Variants in PLCG2 observed in about 807,000 individuals in gnomAD.
The protein encoded by PLCG2 is 1-phosphatidylinositol 4,5-bisphosphate phosphodiesterase gamma-2.
Under a neutral mutation model 175.6 loss-of-function variants are expected in PLCG2, and 69 were observed. The ratio of observed to expected loss-of-function variants is 0.39; its 90% CI spans 0.32 to 0.48. The LOEUF (loss-of-function observed/expected upper bound fraction) is 0.48. PLCG2 is among the 20% of genes least tolerant of loss of function. The pLI is 0.91. For synonymous variants in PLCG2, 827 were observed against 624.0 expected, an observed-to-expected ratio of 1.33 and a Z score of -4.85; for missense variants, 1,798 against 1,650.9, an observed-to-expected ratio of 1.09 and a Z score of -1.54.
chr16:81,745,939 C>G (rs1002370636), intron 1 of PLCG2, among the ~76,000 whole-genome samples: 1 of 152,156 alleles, frequency 6.6e-6, no homozygotes, highest in African/African-American at 2.4e-5. Context: ...TCTGTAGGGG[C>G]GAGACTAGCC....
At chr16:81,790,739 G>A (rs1006332940) in intron 2 of PLCG2, among the ~76,000 whole-genome samples, 2 of 152,172 alleles carry the variant, frequency 1.3e-5, no homozygotes, top group East Asian at 3.8e-4. Flanking sequence ...CTAAAGCAGC[G>A]TGTGGTTCTC....
chr16:81,919,219 T>C (rs12448055), intron 19 of PLCG2, among the ~76,000 whole-genome samples: 39,394 of 152,098 alleles, frequency 0.26, 5,897 homozygotes, highest in East Asian at 0.57. Context: ...AGTCCTGTAG[T>C]TGGGGAGGAG....
intron 2 of PLCG2, among the ~76,000 whole-genome samples, chr16:81,848,031 A>T (rs995537496): frequency 6.6e-6 from 1 of 152,234 alleles, no homozygotes; most frequent in Non-Finnish European, 1.5e-5. Flanking sequence ...AAGGTGGAAG[A>T]CATAGACTAG....
At chr16:81,887,932 G>A (rs1567517225) in intron 9 of PLCG2, among the ~76,000 whole-genome samples, 1 of 152,206 alleles carries the variant, frequency 6.6e-6, no homozygotes, top group Non-Finnish European at 1.5e-5. Context: ...AACTGGTCAT[G>A]TATATTTCAG....
At chr16:81,880,989 T>G (rs745671259) in intron 8 of PLCG2, 36 bp downstream of exon 8, 3 of 1,607,882 alleles carry the variant, frequency 1.9e-6, no homozygotes, top group Non-Finnish European at 2.6e-6. Context: ...GGGGCGGCTG[T>G]GCCGGACCTC....
intron 2 of PLCG2, among the ~76,000 whole-genome samples, chr16:81,802,400 C>T (rs1202089750): frequency 6.6e-6 from 1 of 151,972 alleles, no homozygotes; most frequent in Non-Finnish European, 1.5e-5. Flanking sequence ...GCGTGAGCCA[C>T]CGCGCCCGGC....
chr16:81,905,988 G>A (rs950663007), intron 15 of PLCG2, among the ~76,000 whole-genome samples: 5 of 152,116 alleles, frequency 3.3e-5, no homozygotes, highest in African/African-American at 9.7e-5. Flanking sequence ...CATTTTTAAT[G>A]TTTTATTTTG....
At chr16:81,882,781 C>T (rs1908152388) in intron 8 of PLCG2, among the ~76,000 whole-genome samples, 1 of 152,120 alleles carries the variant, frequency 6.6e-6, no homozygotes. Flanking sequence ...CTCACCCCAC[C>T]TCGTTCTGGC....
At chr16:81,748,038 C>G (rs1324592786) in intron 1 of PLCG2, among the ~76,000 whole-genome samples, 1 of 152,130 alleles carries the variant, frequency 6.6e-6, no homozygotes, top group African/African-American at 2.4e-5. Flanking sequence ...GCACACTCAG[C>G]TAATTTTTGT....
chr16:81,900,544 C>G, intron 13 of PLCG2, 68 bp from the exon 14 acceptor site: 1 of 1,431,002 alleles, frequency 7.0e-7, no homozygotes, highest in Non-Finnish European at 9.5e-7. Context: ...CTGCCCTGGC[C>G]CCTCTGTGGG....
At chr16:81,897,470 A>G (rs1307842647) in intron 13 of PLCG2, among the ~76,000 whole-genome samples, 1 of 151,960 alleles carries the variant, frequency 6.6e-6, no homozygotes, top group Non-Finnish European at 1.5e-5. Context: ...CAAGTGCTTA[A>G]CCCTGCACCT....
chr16:81,829,547 C>T (rs183290431), intron 2 of PLCG2, among the ~76,000 whole-genome samples: 1 of 152,324 alleles, frequency 6.6e-6, no homozygotes, highest in Non-Finnish European at 1.5e-5. Context: ...GCCATGATAC[C>T]TTTGCCAAAA....
intron 5 of PLCG2, among the ~76,000 whole-genome samples, chr16:81,864,648 C>T (rs1395966613): frequency 6.6e-6 from 1 of 152,198 alleles, no homozygotes; most frequent in Non-Finnish European, 1.5e-5. Context: ...CGTGGACCTG[C>T]CTGGCTCATG....
In PLCG2 at chr16:81,808,179, C is replaced by T. The variant is rs977660816; in HGVS notation, c.193+21997C>T. Among the ~76,000 whole-genome samples the T allele has an allele frequency of 7.2e-5, 11 of 152,182 alleles. 1 individual carries two copies. The highest frequency in any genetic ancestry group is 2.1e-4 in the South Asian group (1 of 4,828). On this transcript the variant is annotated intron_variant, in intron 2 of 32. Coordinates refer to ENST00000564138, the MANE Select transcript of PLCG2 (RefSeq NM_002661.5). The stretch of plus-strand genomic sequence containing the variant: ...CTAGGAGTGGAATTGCTGGGCCATG[C>T]AGTAACCATTCATTTAAGCATTTGT...
chr16:81,957,293 T>C (rs1262203838), intron 32 of PLCG2, among the ~76,000 whole-genome samples: 1 of 149,966 alleles, frequency 6.7e-6, no homozygotes, highest in Admixed American at 6.7e-5. Flanking sequence ...AGGGAGACTC[T>C]GTCAAACAAA....
At chr16:81,788,073 G>A (rs1039353030) in intron 2 of PLCG2, among the ~76,000 whole-genome samples, 1 of 151,986 alleles carries the variant, frequency 6.6e-6, no homozygotes, top group African/African-American at 2.4e-5. Flanking sequence ...ATTTGTTTTG[G>A]GTATATACCT....
chr16:81,797,542 T>C (rs1003209549), intron 2 of PLCG2, among the ~76,000 whole-genome samples: 5 of 152,230 alleles, frequency 3.3e-5, no homozygotes, highest in Non-Finnish European at 7.3e-5. Flanking sequence ...CTGTCTGTTC[T>C]GTTCATAAGG....
At chr16:81,902,624 G>C (rs1909198543) in intron 14 of PLCG2, among the ~76,000 whole-genome samples, 1 of 151,876 alleles carries the variant, frequency 6.6e-6, no homozygotes, top group Non-Finnish European at 1.5e-5. Context: ...CCACTTATGA[G>C]AGCTCTACCC....
intron 7 of PLCG2, 21 bp from the exon 8 acceptor site, chr16:81,880,889 T>G: frequency 6.2e-7 from 1 of 1,613,462 alleles, no homozygotes; most frequent in Non-Finnish European, 8.5e-7. Flanking sequence ...TTCTTTTTTT[T>G]GTGTGTGCTT....
Sources: gnomAD v4.1 joint callset for allele counts (sites outside exome capture counted in the v4.1 genomes callset) on GRCh38, gnomAD v4.1.1 for gene constraint, MANE v1.5 for transcripts, NCBI Gene and HGNC (gene_info 2026-07-23, HGNC 2026-07-21) for gene names.